Variants in POMGNT2 observed in about 807,000 individuals in gnomAD.
POMGNT2 encodes the protein protein O-linked mannose N-acetylglucosaminyltransferase 2 (beta 1,4-).
A neutral mutation model predicts 37.8 loss-of-function variants in POMGNT2; 32 were observed. That is an observed-to-expected ratio of 0.85 (90% CI 0.64 to 1.14). POMGNT2 has a LOEUF of 1.14. Among genes scored for constraint, POMGNT2 ranks in the 50% most tolerant of loss-of-function variants. The probability of loss-of-function intolerance (pLI) is 0.00; values close to 1 mark genes in which losing one functional copy is unlikely to be tolerated. For synonymous variants in POMGNT2, 340 were observed against 336.8 expected (o/e 1.01, Z -0.10); for missense variants, 705 against 780.6 (o/e 0.90, Z 1.15).
chr3:43,092,320 G>A (rs1425821122), intron 1 of POMGNT2, among the ~76,000 whole-genome samples: 1 of 151,922 alleles, frequency 6.6e-6, no homozygotes, highest in South Asian at 2.1e-4. Context: ...TTTGAGACAG[G>A]GTCTCACTGT....
rs1171140170 is a variant in POMGNT2, at chr3:43,098,164, A to G, written c.-106+7672T>C. ...CTTTTAAGGATTGTTCACACTTCCAATTGAAAATTATAGAAATCTTATTTT... is the reference window on the plus strand; with the variant it reads ...CTTTTAAGGATTGTTCACACTTCCAGTTGAAAATTATAGAAATCTTATTTT... On this transcript the variant is annotated intron_variant, in intron 1 of 1. Coordinates refer to ENST00000344697, the MANE Select transcript of POMGNT2 (RefSeq NM_032806.6). This position sits in a 1 kb window ranked among gnomAD's most constrained non-coding sequence, Gnocchi z 4.3. Among the ~76,000 whole-genome samples the G allele has an allele frequency of 3.3e-5, 5 of 152,256 alleles. No individual in the cohort carries two copies. The highest frequency in any genetic ancestry group is 6.5e-5 in the Admixed American group (1 of 15,286).
intron 1 of POMGNT2, among the ~76,000 whole-genome samples, chr3:43,093,687 C>T (rs2089960239): frequency 1.3e-5 from 2 of 152,148 alleles, no homozygotes; most frequent in Non-Finnish European, 2.9e-5. Flanking sequence ...ACCCCCCAGG[C>T]AGGTTAGCTT....
Position 43,081,461 on chromosome 3 carries a change from T to C in POMGNT2, c.-30A>G, listed in dbSNP as rs757915249. On this transcript the variant is annotated 5_prime_UTR_variant, in exon 2 of 2. Coordinates refer to ENST00000344697, the MANE Select transcript of POMGNT2 (RefSeq NM_032806.6). ...ATGCCACTGTGGGGCCCTAATGAGA[T>C]GACGGCCACTGGGAAGCACCACAGG... 1 of 1,490,292 alleles carries C rather than the reference T, an allele frequency of 6.7e-7. No homozygotes were observed. Among genetic ancestry groups the C allele is most frequent in the Non-Finnish European group, 8.9e-7 (1 of 1,118,676 alleles). The allele number at this position is 1,490,292 out of a possible 1,614,324, so 92.3% of individuals were successfully genotyped here.
At position 43,085,903 on chromosome 3, in the gene POMGNT2, A is replaced by G. The variant is rs375967562; in HGVS notation, c.-105-4367T>C. On this transcript the variant is annotated intron_variant, in intron 1 of 1. Coordinates refer to ENST00000344697, the MANE Select transcript of POMGNT2 (RefSeq NM_032806.6). ...CTTCTCTAGCACCACGGTAGAATAT[A>G]TAGGAGGCAAGAAGAAAACCCAGAG... Among the ~76,000 whole-genome samples the G allele has an allele frequency of 1.1e-4, 16 of 152,290 alleles. No homozygotes were observed. The East Asian group carries it at 1.9e-3, about 18-fold the overall frequency.
intron 1 of POMGNT2, among the ~76,000 whole-genome samples, chr3:43,105,426 C>G (rs2090050653): frequency 6.6e-6 from 1 of 152,216 alleles, no homozygotes; most frequent in East Asian, 1.9e-4. Flanking sequence ...GCGCACCTCG[C>G]GTGGCTCCCC....
chr3:43,089,409 G>A (rs2089924871), intron 1 of POMGNT2, among the ~76,000 whole-genome samples: 1 of 152,242 alleles, frequency 6.6e-6, no homozygotes, highest in Non-Finnish European at 1.5e-5. Flanking sequence ...GGAATGGATG[G>A]TTCACAAGGA....
chr3:43,096,923 T>C (rs2089983752), intron 1 of POMGNT2, among the ~76,000 whole-genome samples: 1 of 152,190 alleles, frequency 6.6e-6, no homozygotes, highest in Non-Finnish European at 1.5e-5. Flanking sequence ...CCAGACTTAG[T>C]GAATCCTCCT....
chr3:43,103,536 C>G (rs2090034923), intron 1 of POMGNT2, among the ~76,000 whole-genome samples: 1 of 152,160 alleles, frequency 6.6e-6, no homozygotes, highest in Non-Finnish European at 1.5e-5. Context: ...CTCCCCTGAA[C>G]TCACTCAGGG....
At chr3:43,082,877 G>A (rs914065064) in intron 1 of POMGNT2, among the ~76,000 whole-genome samples, 2 of 152,208 alleles carry the variant, frequency 1.3e-5, no homozygotes, top group African/African-American at 2.4e-5. Flanking sequence ...CATGAAACAC[G>A]TGTAGGGGAA....
rs1403792020 is a variant in POMGNT2, at chr3:43,098,098, C to T, written c.-106+7738G>A. Among the ~76,000 whole-genome samples, 6 of 152,208 alleles carry T rather than the reference C, an allele frequency of 3.9e-5. No individual in the cohort carries two copies. The highest frequency in any genetic ancestry group is 2.0e-4 in the Admixed American group (3 of 15,286). Reference sequence around the variant, plus strand: ...GCCCAGGCCAGGAGGGGGTCAGCAACGGTGCAGAAGGTTTTATATTTTACT... The same window carrying T: ...GCCCAGGCCAGGAGGGGGTCAGCAATGGTGCAGAAGGTTTTATATTTTACT... On this transcript the variant is annotated intron_variant, in intron 1 of 1. Transcript: ENST00000344697. This position sits in a 1 kb window ranked among gnomAD's most constrained non-coding sequence, Gnocchi z 4.3.
At chr3:43,085,879 T>C (rs1358550418) in intron 1 of POMGNT2, among the ~76,000 whole-genome samples, 2 of 152,208 alleles carry the variant, frequency 1.3e-5, no homozygotes, top group Non-Finnish European at 2.9e-5. Context: ...GATTGTGGGC[T>C]TCTCTAGCAC....
chr3:43,080,504 G>T lies in POMGNT2; in HGVS notation c.928C>A (p.Leu310Met). ...GTCTTCATCTGGAACTCCTGGGCCA[G>T]TGCCAGCAGCAGCTCTGCCTCATTC... ...ILNEAELLLALAQEFQMKTVT... is the reference protein window; with the variant it reads ...ILNEAELLLAMAQEFQMKTVT... The change falls in exon 2 of 2, where the codon CTG (leucine) becomes ATG (methionine). Residue 310 changes from leucine to methionine, a missense_variant. Transcript: ENST00000344697. The T allele has an allele frequency of 6.2e-7, 1 of 1,614,244 alleles. No homozygotes were observed. Among genetic ancestry groups the T allele is most frequent in the South Asian group, 1.1e-5 (1 of 91,086 alleles).
At chr3:43,084,343 T>TTAAAA (rs1393393658) in intron 1 of POMGNT2, among the ~76,000 whole-genome samples, 1 of 151,466 alleles carries the variant, frequency 6.6e-6, no homozygotes, top group Non-Finnish European at 1.5e-5. Flanking sequence ...CAATGCTAGA[T>TTAAAA]TAAAAAAAAA....
intron 1 of POMGNT2, among the ~76,000 whole-genome samples, chr3:43,096,463 T>A (rs902626483): frequency 6.6e-6 from 1 of 152,184 alleles, no homozygotes; most frequent in Admixed American, 6.5e-5. Context: ...ATTTTATAGA[T>A]TGGGACACAG....
intron 1 of POMGNT2, among the ~76,000 whole-genome samples, chr3:43,101,796 T>C (rs570894794): frequency 1.1e-4 from 17 of 152,328 alleles, no homozygotes; most frequent in African/African-American, 3.8e-4. Flanking sequence ...TTTGCTAAGA[T>C]GATGCATAAG....
At chr3:43,087,689 A>T (rs1308294753) in intron 1 of POMGNT2, 1 of 152,244 alleles carries the variant, frequency 6.6e-6, no homozygotes, top group Non-Finnish European at 1.5e-5. Context: ...TCCATACATT[A>T]GTTTGACTTG....
chr3:43,103,032 C>T (rs1356884876), intron 1 of POMGNT2, among the ~76,000 whole-genome samples: 2 of 152,068 alleles, frequency 1.3e-5, no homozygotes, highest in Non-Finnish European at 2.9e-5. Flanking sequence ...CATTCTCTCA[C>T]CCTAAGGAGA....
rs201432948 is a variant in POMGNT2, at chr3:43,081,228, C to T, written c.204G>A (p.Val68=). 2.8e-5 allele frequency: 45 copies of T among 1,614,028 alleles called. No homozygotes were observed. The highest frequency in any genetic ancestry group is 3.7e-5 in the Non-Finnish European group (44 of 1,180,026). ...GGTCTGTGTGCGTGCGGCCCGTGCA[C>T]ACCATGTGTGTGCCGCCCTCCATCA... is the stretch of plus-strand genomic sequence containing the variant. ...QILMEGGTHM[V]CTGRTHTDRI... Residue 68 remains valine, a synonymous_variant, in exon 2 of 2, where the codon GTG becomes GTA. Coordinates refer to ENST00000344697, the MANE Select transcript of POMGNT2 (RefSeq NM_032806.6).
chr3:43,096,045 G>C (rs1341385236), intron 1 of POMGNT2, among the ~76,000 whole-genome samples: 1 of 152,186 alleles, frequency 6.6e-6, no homozygotes, highest in Non-Finnish European at 1.5e-5. Context: ...ACTCTTGAAG[G>C]AGACAAAAGG....
Sources: allele counts gnomAD v4.1 joint callset (sites outside exome capture counted in the v4.1 genomes callset), GRCh38; gene constraint gnomAD v4.1.1; non-coding constraint Gnocchi (gnomAD v3.1); transcripts MANE v1.5; gene names NCBI Gene and HGNC (gene_info 2026-07-23, HGNC 2026-07-21).